Variants in ANKRD17 observed in about 807,000 individuals in gnomAD.
The protein encoded by ANKRD17 is ankyrin repeat domain-containing protein 17.
A neutral mutation model predicts 229.7 loss-of-function variants in ANKRD17; 19 were observed. The ratio of observed to expected loss-of-function variants is 0.08; its 90% CI spans 0.06 to 0.12. The LOEUF is 0.12. ANKRD17 is among the 10% of genes least tolerant of loss of function. ANKRD17 has a pLI of 1.00. For synonymous variants in ANKRD17, 1,112 were observed against 1,146.1 expected, an observed-to-expected ratio of 0.97 and a Z score of 0.60; for missense variants, 2,176 against 3,176.8, an observed-to-expected ratio of 0.68 and a Z score of 7.57.
At chr4:73,246,266 T>C (rs1272059219) in intron 1 of ANKRD17, among the ~76,000 whole-genome samples, 2 of 152,196 alleles carry the variant, frequency 1.3e-5, no homozygotes, top group African/African-American at 4.8e-5. Flanking sequence ...GTGTACTTCC[T>C]ATTCTTCCCT....
At chr4:73,138,638 A>G (rs1729213180) in intron 15 of ANKRD17, among the ~76,000 whole-genome samples, 1 of 152,140 alleles carries the variant, frequency 6.6e-6, no homozygotes, top group Non-Finnish European at 1.5e-5. Context: ...AGTCACCAAA[A>G]TTCCACTGTT....
intron 1 of ANKRD17, among the ~76,000 whole-genome samples, chr4:73,192,241 T>C (rs1005778822): frequency 6.6e-6 from 1 of 152,074 alleles, no homozygotes; most frequent in South Asian, 2.1e-4. Flanking sequence ...GTATCTAGAA[T>C]AGTGCCTTAA....
intron 1 of ANKRD17, among the ~76,000 whole-genome samples, chr4:73,188,361 C>A (rs969736546): frequency 1.3e-5 from 2 of 151,970 alleles, no homozygotes; most frequent in Non-Finnish European, 2.9e-5. Context: ...CCAAGGTAGG[C>A]GGATCATGAG....
At chr4:73,188,208 C>T (rs900485025) in intron 1 of ANKRD17, among the ~76,000 whole-genome samples, 1 of 152,044 alleles carries the variant, frequency 6.6e-6, no homozygotes, top group Non-Finnish European at 1.5e-5. Context: ...AAAAAGCCTA[C>T]TATTAACTCT....
intron 1 of ANKRD17, among the ~76,000 whole-genome samples, chr4:73,229,619 A>C (rs538592398): frequency 1.3e-5 from 2 of 151,528 alleles, no homozygotes; most frequent in South Asian, 4.2e-4. Context: ...AAAAAAAAAA[A>C]CCCAACCACA....
intron 1 of ANKRD17, among the ~76,000 whole-genome samples, chr4:73,228,949 A>G (rs914713408): frequency 5.3e-5 from 8 of 152,342 alleles, no homozygotes; most frequent in African/African-American, 1.9e-4. Context: ...AATACTATGC[A>G]GCCATAAAAA....
At chr4:73,166,098 G>A (rs982291178) in intron 2 of ANKRD17, among the ~76,000 whole-genome samples, 1 of 152,204 alleles carries the variant, frequency 6.6e-6, no homozygotes, top group Non-Finnish European at 1.5e-5. Context: ...AAATTGTTAT[G>A]CTGCAATAGA....
chr4:73,102,612 T>C, intron 24 of ANKRD17, 65 bp from the exon 25 acceptor site: 1 of 1,515,738 alleles, frequency 6.6e-7, no homozygotes, highest in Non-Finnish European at 8.9e-7. Context: ...AGTTGTCACA[T>C]AATCATTTAA....
intron 18 of ANKRD17, among the ~76,000 whole-genome samples, chr4:73,123,667 AT>A (rs1343286154): frequency 1.3e-5 from 2 of 152,072 alleles, no homozygotes; most frequent in Non-Finnish European, 2.9e-5. Context: ...CACTTACATA[AT>A]TTTATTAGAT....
chr4:73,185,346 G>A (rs1203191901), intron 1 of ANKRD17, among the ~76,000 whole-genome samples: 1 of 151,516 alleles, frequency 6.6e-6, no homozygotes, highest in African/African-American at 2.4e-5. Flanking sequence ...ATTTATCACT[G>A]AATCTCAAAA....
chr4:73,158,152 A>AAAAGGAAG (rs1553925350), intron 3 of ANKRD17, among the ~76,000 whole-genome samples: 1 of 128,708 alleles, frequency 7.8e-6, no homozygotes, highest in Non-Finnish European at 1.6e-5. Context: ...GAAAGGAAGA[A>AAAAGGAAG]AAAGAAAGAA....
rs1728732660 is a variant in ANKRD17, at chr4:73,135,188, G to A, written c.3163C>T (p.Pro1055Ser). The A allele has an allele frequency of 3.7e-6, 6 of 1,613,904 alleles. No individual in the cohort carries two copies. Among genetic ancestry groups the A allele is most frequent in the Non-Finnish European group, 5.1e-6 (6 of 1,179,822 alleles). Reference sequence around the variant, plus strand: ...GGAGAGATGATAGGACTTGGAGTTGGAGTCTGAGGTTGGGAAATGGATGCA... The same window carrying A: ...GGAGAGATGATAGGACTTGGAGTTGAAGTCTGAGGTTGGGAAATGGATGCA... ...IAASISQPQT[P>S]TPSPIISPSA... The change falls in exon 16 of 34, where the codon CCA becomes TCA. Residue 1055 changes from proline (P) to serine (S), a missense_variant. Physicochemically the swap from Pro to Ser is moderately conservative, Grantham distance 74. Coordinates refer to ENST00000358602, the MANE Select transcript of ANKRD17 (RefSeq NM_032217.5).
At chr4:73,125,431 G>A (rs1727303542) in intron 16 of ANKRD17, 119 bp from the exon 17 acceptor site, 1 of 792,256 alleles carries the variant, frequency 1.3e-6, no homozygotes, top group Non-Finnish European at 2.0e-6. Context: ...ACAATATCAA[G>A]CATTTGAAAA....
At chr4:73,179,484 GTGTGTATATATATATATATA>G (rs1286125021) in intron 1 of ANKRD17, among the ~76,000 whole-genome samples, 1 of 65,706 alleles carries the variant, frequency 1.5e-5, no homozygotes, top group Non-Finnish European at 2.8e-5. Context: ...GTGTGTGTGT[GTGTGTATATATATATATATA>G]TATATATATA....
At chr4:73,208,188 C>CA (rs36126530) in intron 1 of ANKRD17, among the ~76,000 whole-genome samples, 45,978 of 67,322 alleles carry the variant, frequency 0.68, 16,323 homozygotes, top group African/African-American at 0.83. Flanking sequence ...GACTCCGTCT[C>CA]AAAAAAAAAA....
intron 1 of ANKRD17, among the ~76,000 whole-genome samples, chr4:73,253,493 T>C (rs757956139): frequency 1.3e-5 from 2 of 152,220 alleles, no homozygotes; most frequent in Admixed American, 6.5e-5. Context: ...CTCATAACAA[T>C]GTTATAAGGT....
intron 1 of ANKRD17, among the ~76,000 whole-genome samples, chr4:73,255,275 T>C (rs79287285): frequency 0.021 from 3,220 of 152,356 alleles, 113 homozygotes; most frequent in African/African-American, 0.073. Flanking sequence ...CTTCCATTTT[T>C]CCTCTTTTGG....
intron 1 of ANKRD17, among the ~76,000 whole-genome samples, chr4:73,229,816 T>A (rs1742877437): frequency 6.6e-6 from 1 of 152,132 alleles, no homozygotes; most frequent in African/African-American, 2.4e-5. Flanking sequence ...AATTTAGTAT[T>A]TTAAAGACCC....
At chr4:73,159,008 C>A (rs1732145836) in intron 3 of ANKRD17, among the ~76,000 whole-genome samples, 1 of 152,236 alleles carries the variant, frequency 6.6e-6, no homozygotes, top group Non-Finnish European at 1.5e-5. Flanking sequence ...ACCAAGATGA[C>A]CTCCAACCCA....
Sources: allele counts gnomAD v4.1 joint callset (sites outside exome capture counted in the v4.1 genomes callset), GRCh38; gene constraint gnomAD v4.1.1; transcripts MANE v1.5; gene names NCBI Gene and HGNC (gene_info 2026-07-23, HGNC 2026-07-21).